SPANXD: variants seen among roughly 807,000 people sequenced by gnomAD.
The protein encoded by SPANXD is SPANX family member D.
Under a neutral mutation model 1.8 loss-of-function variants are expected in SPANXD, and 2 were observed. The ratio of observed to expected loss-of-function variants is 1.10; its 90% CI spans 0.45 to 3.47. SPANXD has a LOEUF of 3.47. SPANXD is among the 30% of genes most tolerant of loss of function. SPANXD has a pLI of 0.08. For missense variants in SPANXD, 80 were observed against 81.6 expected, an observed-to-expected ratio of 0.98 and a Z score of 0.07; for synonymous variants, 30 against 32.9, an observed-to-expected ratio of 0.91 and a Z score of 0.30.
rs1180897900 is a variant in SPANXD at position 141,697,563 on chromosome X, C to T, written c.196G>A (p.Glu66Lys). ...TTTCGGGCGTGGTCATTCACCAGTT[C>T]CTCTGGAGATGTTCTTTTAAAGTTC... is the stretch of plus-strand genomic sequence containing the variant. ...RRNFKRTSPE[E>K]LVNDHARKNR... Residue 66 changes from glutamate to lysine, a missense_variant, in exon 2 of 2, where the codon GAA becomes AAA. Glu to Lys is a moderately conservative substitution (Grantham distance 56). Coordinates refer to ENST00000370515, the MANE Select transcript of SPANXD (RefSeq NM_032417.4). The T allele has an allele frequency of 1.7e-6, 2 of 1,206,360 alleles. No homozygotes were observed. Among genetic ancestry groups the T allele is most frequent in the East Asian group, 3.0e-5 (1 of 33,779 alleles).
rs1349501155 is a variant in SPANXD, at chrX:141,698,630, C to G, written c.-225G>C. On this transcript the variant is annotated 5_prime_UTR_variant, in exon 1 of 2. Coordinates refer to ENST00000370515, the MANE Select transcript of SPANXD (RefSeq NM_032417.4). ...GCTGACCACTCCCTGGGCTTGCGGG[C>G]GAGGGGTGACAGGGGTGTAGAGCAA... The G allele has an allele frequency of 4.8e-4, 226 of 473,947 alleles. No individual in the cohort carries two copies. The highest frequency in any genetic ancestry group is 2.6e-3 in the African/African-American group (100 of 38,221). 39.1% of individuals were successfully genotyped at this position (473,947 alleles called of 1,213,427 possible).
In SPANXD at chrX:141,698,319, A is replaced by T; in HGVS notation, c.72+15T>A. ...CTTTCACCCTCGCCTTCACTTCAGAACCTAACAGTCTTACCATCTCGTTGG... is the reference window on the plus strand; with the variant it reads ...CTTTCACCCTCGCCTTCACTTCAGATCCTAACAGTCTTACCATCTCGTTGG... On this transcript the variant is annotated intron_variant, in intron 1 of 1. Coordinates refer to ENST00000370515, the MANE Select transcript of SPANXD (RefSeq NM_032417.4). The T allele has an allele frequency of 8.5e-7, 1 of 1,178,061 alleles. No homozygotes were observed. Among genetic ancestry groups the T allele is most frequent in the Non-Finnish European group, 1.1e-6 (1 of 881,868 alleles).
chrX:141,697,803 C>G, intron 1 of SPANXD, 117 bp from the exon 2 acceptor site: 1 of 762,514 alleles, frequency 1.3e-6, no homozygotes, highest in Non-Finnish European at 2.0e-6. Context: ...GGGGTTTGAT[C>G]CAGAGAAGAA....
chrX:141,698,696 T>C lies in SPANXD; in HGVS notation c.-291A>G. On this transcript the variant is annotated 5_prime_UTR_variant, in exon 1 of 2. It removes an upstream start codon present in the reference 5' UTR. Coordinates refer to ENST00000370515, the MANE Select transcript of SPANXD (RefSeq NM_032417.4). ...TGTTTCAGCATCCCCTGAAGATGCATCCCAAACCGATCTGCCGCCGCTCCT... is the reference window on the plus strand; with the variant it reads ...TGTTTCAGCATCCCCTGAAGATGCACCCCAAACCGATCTGCCGCCGCTCCT... 3.5e-6 allele frequency: 1 copy of C among 283,691 alleles called. No homozygotes were observed. The highest frequency in any genetic ancestry group is 6.3e-6 in the Non-Finnish European group (1 of 159,359). The allele number at this position is 283,691 out of a possible 1,213,427, so 23.4% of individuals were successfully genotyped here.
Position 141,698,531 on chromosome X carries a change from C to G in SPANXD, c.-126G>C, listed in dbSNP as rs1388754349. ...GACAAGGCAAAGCCACACCCTTGAGCTTTGTTTGATCATACAGGCAGTGTC... is the reference window on the plus strand; with the variant it reads ...GACAAGGCAAAGCCACACCCTTGAGGTTTGTTTGATCATACAGGCAGTGTC... On this transcript the variant is annotated 5_prime_UTR_variant, in exon 1 of 2. Transcript: ENST00000370515. The G allele has an allele frequency of 1.1e-5, 8 of 755,614 alleles. No individual in the cohort carries two copies. Among genetic ancestry groups the G allele is most frequent in the Admixed American group, 1.0e-4 (3 of 29,905 alleles). The allele number at this position is 755,614 out of a possible 1,213,427, so 62.3% of individuals were successfully genotyped here.
chrX:141,697,456 A>T lies in SPANXD; in HGVS notation c.*9T>A, dbSNP rs782177839. The T allele has an allele frequency of 6.6e-6, 8 of 1,209,286 alleles. No homozygotes were observed. The Admixed American group carries it at 1.7e-4, about 26-fold the overall frequency. ...GTCATTGCCCAAGGTTGAGAGATGT[A>T]GCTTCTTGCTACTTTGCAGGTATTT... On this transcript the variant is annotated 3_prime_UTR_variant, in exon 2 of 2. Coordinates refer to ENST00000370515, the MANE Select transcript of SPANXD (RefSeq NM_032417.4).
intron 1 of SPANXD, 95 bp from the exon 2 acceptor site, chrX:141,697,781 C>T (rs1310510535): frequency 3.9e-5 from 35 of 898,720 alleles, no homozygotes; most frequent in East Asian, 1.6e-4. Flanking sequence ...AGAAGGAATG[C>T]GGGTTGAGGA....
At position 141,697,517 on chromosome X, in the gene SPANXD, T is replaced by C. The variant is rs1442533073; in HGVS notation, c.242A>G (p.Gln81Arg). 2.5e-6 allele frequency: 3 copies of C among 1,205,554 alleles called. No individual in the cohort carries two copies. Among genetic ancestry groups the C allele is most frequent in the Non-Finnish European group, 3.4e-6 (3 of 892,940 alleles). The change falls in exon 2 of 2, where the codon CAA becomes CGA. Residue 81 changes from glutamine to arginine, a missense_variant. Physicochemically the swap from Gln to Arg is conservative, Grantham distance 43. Transcript: ENST00000370515. ...HARKNRINPL[Q>R]MEEEEFMEIM... ...TTCCATGAATTCCTCCTCCTCCATTTGGAGGGGGTTGATTCTGTTCTTTCG... is the reference window on the plus strand; with the variant it reads ...TTCCATGAATTCCTCCTCCTCCATTCGGAGGGGGTTGATTCTGTTCTTTCG...
At chrX:141,697,802 T>C (rs2016815968) in intron 1 of SPANXD, 116 bp from the exon 2 acceptor site, 2 of 768,455 alleles carry the variant, frequency 2.6e-6, no homozygotes, top group Non-Finnish European at 3.9e-6. Context: ...AGGGGTTTGA[T>C]CCAGAGAAGA....
intron 1 of SPANXD, 23 bp from the exon 2 acceptor site, chrX:141,697,709 C>T (rs781813215): frequency 3.4e-6 from 4 of 1,189,158 alleles, no homozygotes; most frequent in Non-Finnish European, 3.4e-6. Flanking sequence ...CAGGGAGAGG[C>T]CAGGAGGACA....
rs201337521 is a variant in SPANXD at position 141,697,546 on chromosome X, G to A, written c.213C>T (p.His71=). The change falls in exon 2 of 2, where the codon CAC becomes CAT. Residue 71 remains histidine, a synonymous_variant. Transcript: ENST00000370515. ...GGGGGTTGATTCTGTTCTTTCGGGC[G>A]TGGTCATTCACCAGTTCCTCTGGAG... ...RTSPEELVND[H]ARKNRINPLQ... 128 of 1,204,640 alleles carry A rather than the reference G, an allele frequency of 1.1e-4. No individual in the cohort carries two copies. The highest frequency in any genetic ancestry group is 1.3e-4 in the Admixed American group (6 of 45,453).
At position 141,697,564 on chromosome X, in the gene SPANXD, C is replaced by T; in HGVS notation, c.195G>A (p.Glu65=). The T allele has an allele frequency of 8.3e-7, 1 of 1,206,332 alleles. No homozygotes were observed. The highest frequency in any genetic ancestry group is 1.8e-5 in the African/African-American group (1 of 56,998). The change falls in exon 2 of 2, where the codon GAG becomes GAA. Residue 65 remains glutamate, a synonymous_variant. Transcript: ENST00000370515. ...TTCGGGCGTGGTCATTCACCAGTTC[C>T]TCTGGAGATGTTCTTTTAAAGTTCC... is the stretch of plus-strand genomic sequence containing the variant. ...YRRNFKRTSP[E]ELVNDHARKN... is the part of the protein sequence containing the mutation.
At chrX:141,697,742 A>C (rs1450413982) in intron 1 of SPANXD, 56 bp from the exon 2 acceptor site, 1 of 1,120,899 alleles carries the variant, frequency 8.9e-7, no homozygotes, top group Non-Finnish European at 1.2e-6. Flanking sequence ...AACAGGATAG[A>C]GACTGGATAG....
rs202132097 is a variant in SPANXD at position 141,697,631 on chromosome X, T to C, written c.128A>G (p.Lys43Arg). ...TAGTATGGTCGAGGACTCAGATGTT[T>C]TTAGTTTTTTCGGAGCAGGTTGCGG... ...SDPQPAPKKL[K>R]TSESSTILVV... The change falls in exon 2 of 2, where the codon AAA becomes AGA. Residue 43 changes from lysine (K) to arginine (R), a missense_variant. By Grantham distance (26) the Lys-to-Arg change is conservative. Coordinates refer to ENST00000370515, the MANE Select transcript of SPANXD (RefSeq NM_032417.4). 7 of 1,187,067 alleles carry C rather than the reference T, an allele frequency of 5.9e-6. No individual in the cohort carries two copies. Among genetic ancestry groups the C allele is most frequent in the African/African-American group, 1.8e-5 (1 of 55,100 alleles).
rs2016823347 is a variant in SPANXD, at chrX:141,698,513, C to G, written c.-108G>C. Reference sequence around the variant, plus strand: ...TATGTATACCCTCCTGGTGACAAGGCAAAGCCACACCCTTGAGCTTTGTTT... The same window carrying G: ...TATGTATACCCTCCTGGTGACAAGGGAAAGCCACACCCTTGAGCTTTGTTT... On this transcript the variant is annotated 5_prime_UTR_variant, in exon 1 of 2. Transcript: ENST00000370515. 3 of 638,533 alleles carry G rather than the reference C, an allele frequency of 4.7e-6. No homozygotes were observed. The highest frequency in any genetic ancestry group is 6.6e-5 in the East Asian group (2 of 30,436). The allele number at this position is 638,533 out of a possible 1,213,427, so 52.6% of individuals were successfully genotyped here. A position where few individuals can be genotyped will look rare whatever the true frequency, so the allele number is the denominator to read the frequency against.
Position 141,697,486 on chromosome X carries a change from C to T in SPANXD, c.273G>A (p.Met91Ile), listed in dbSNP as rs1556402220. 6.6e-6 allele frequency: 8 copies of T among 1,208,967 alleles called. No homozygotes were observed. The South Asian group carries it at 7.1e-5, about 11-fold the overall frequency. Residue 91 changes from methionine to isoleucine, a missense_variant, in exon 2 of 2, where the codon ATG becomes ATA. By Grantham distance (10) the Met-to-Ile change is conservative. Transcript: ENST00000370515. ...QMEEEEFMEI[M>I]VEIPAK The stretch of plus-strand genomic sequence containing the variant: ...CTTGCTACTTTGCAGGTATTTCAAC[C>T]ATTATTTCCATGAATTCCTCCTCCT...
chrX:141,698,539 G>C lies in SPANXD; in HGVS notation c.-134C>G, dbSNP rs1168332142. 3.8e-6 allele frequency: 3 copies of C among 792,362 alleles called. No homozygotes were observed. The African/African-American group carries it at 6.5e-5, about 17-fold the overall frequency. 65.3% of individuals were successfully genotyped at this position (792,362 alleles called of 1,213,427 possible). On this transcript the variant is annotated 5_prime_UTR_variant, in exon 1 of 2. In the 5' UTR this introduces an upstream ATG that the reference lacks. Transcript: ENST00000370515. The stretch of plus-strand genomic sequence containing the variant: ...AAAGCCACACCCTTGAGCTTTGTTT[G>C]ATCATACAGGCAGTGTCCCAGCCAA...
At position 141,698,636 on chromosome X, in the gene SPANXD, G is replaced by C; in HGVS notation, c.-231C>G. Reference sequence around the variant, plus strand: ...CACTCCCTGGGCTTGCGGGCGAGGGGTGACAGGGGTGTAGAGCAAACCAAA... The same window carrying C: ...CACTCCCTGGGCTTGCGGGCGAGGGCTGACAGGGGTGTAGAGCAAACCAAA... On this transcript the variant is annotated 5_prime_UTR_variant, in exon 1 of 2. Transcript: ENST00000370515. 4.5e-6 allele frequency: 2 copies of C among 440,061 alleles called. No individual in the cohort carries two copies. The highest frequency in any genetic ancestry group is 6.7e-5 in the South Asian group (2 of 29,785). The allele number at this position is 440,061 out of a possible 1,213,427, so 36.3% of individuals were successfully genotyped here.
In SPANXD at chrX:141,697,598, C is replaced by T. The variant is rs368985448; in HGVS notation, c.161G>A (p.Arg54His). The part of the protein sequence containing the change: ...TSESSTILVV[R>H]YRRNFKRTSP... ...TGTTCTTTTAAAGTTCCTCCTGTAG[C>T]GAACCACTAGTATGGTCGAGGACTC... Residue 54 changes from arginine (R) to histidine (H), a missense_variant, in exon 2 of 2, where the codon CGC becomes CAC. By Grantham distance (29) the Arg-to-His change is conservative (BLOSUM62 0). Coordinates refer to ENST00000370515, the MANE Select transcript of SPANXD (RefSeq NM_032417.4). 6.7e-5 allele frequency: 80 copies of T among 1,201,729 alleles called. No homozygotes were observed. The Admixed American group carries it at 7.7e-4, about 12-fold the overall frequency.
Sources: allele counts gnomAD v4.1 joint callset, GRCh38; gene constraint gnomAD v4.1.1; transcripts MANE v1.5; gene names NCBI Gene and HGNC (gene_info 2026-07-23, HGNC 2026-07-21).